BRF1: variants seen among roughly 807,000 people sequenced by gnomAD.
BRF1 encodes transcription factor IIIB 90 kDa subunit.
Under a neutral mutation model 81.7 loss-of-function variants are expected in BRF1, and 59 were observed. The observed-to-expected ratio is 0.72, with a 90% CI of 0.59 to 0.90. The LOEUF (loss-of-function observed/expected upper bound fraction) is 0.90, where lower values mean the gene tolerates loss of function less well. Among genes scored for constraint, BRF1 ranks in the 40% least tolerant of loss-of-function variants. The probability of loss-of-function intolerance (pLI) is 0.00; values close to 1 mark genes in which losing one functional copy is unlikely to be tolerated. For missense variants in BRF1, 1,050 were observed against 936.3 expected, an observed-to-expected ratio of 1.12 and a Z score of -1.58; for synonymous variants, 491 against 395.6, an observed-to-expected ratio of 1.24 and a Z score of -2.86.
In BRF1 at chr14:105,300,490, C is replaced by A; in HGVS notation, c.140G>T (p.Ser47Ile). 6.5e-7 allele frequency: 1 copy of A among 1,536,484 alleles called. No homozygotes were observed. Among genetic ancestry groups the A allele is most frequent in the Non-Finnish European group, 8.7e-7 (1 of 1,144,488 alleles). The change falls in exon 1 of 18, where the codon AGC becomes ATC. Residue 47 changes from serine to isoleucine, a missense_variant. By Grantham distance (142) the Ser-to-Ile change is moderately radical. Coordinates refer to ENST00000547530, the MANE Select transcript of BRF1 (RefSeq NM_001519.4). The stretch of plus-strand genomic sequence containing the variant: ...GCCCACGGCCGAGGAGCCGCCGCCG[C>A]TGCTCTCCACGAACTGCACCTCGGA... ...IVSEVQFVES[S>I]GGGSSAVGQF... is the part of the protein sequence containing the mutation.
intron 5 of BRF1, among the ~76,000 whole-genome samples, chr14:105,243,427 G>A (rs2054855384): frequency 6.6e-6 from 1 of 150,878 alleles, no homozygotes; most frequent in Non-Finnish European, 1.5e-5. Context: ...TCCAGCCTGG[G>A]CGACAGAGCA....
At chr14:105,219,411 T>C (rs1209068593) in intron 12 of BRF1, 179 bp from the exon 13 acceptor site, 1 of 1,370,294 alleles carries the variant, frequency 7.3e-7, no homozygotes, top group Non-Finnish European at 9.7e-7. Flanking sequence ...GGGGACCTGT[T>C]GCTCTGTGGC....
chr14:105,271,456 G>A lies in BRF1; in HGVS notation c.439+1265C>T, dbSNP rs587656067. ...CAGGCTGGGAGGCAGACATGTGGCC[G>A]GGCACGCCACGCCCACCAGACACAG... On this transcript the variant is annotated intron_variant, in intron 3 of 17. Transcript: ENST00000547530. The surrounding 1 kb of genome is among the most constrained non-coding windows in gnomAD (Gnocchi z 5.5). Among the ~76,000 whole-genome samples the A allele has an allele frequency of 3.9e-5, 6 of 152,350 alleles. No individual in the cohort carries two copies. The South Asian group carries it at 8.3e-4, about 21-fold the overall frequency.
chr14:105,295,256 C>T (rs1362179878), intron 1 of BRF1, among the ~76,000 whole-genome samples: 1 of 129,450 alleles, frequency 7.7e-6, no homozygotes, highest in African/African-American at 3.1e-5. Flanking sequence ...GCCTTGAGGT[C>T]AGAAGTTCGA....
chr14:105,266,886 G>T (rs988861309), intron 3 of BRF1, among the ~76,000 whole-genome samples: 2 of 151,940 alleles, frequency 1.3e-5, no homozygotes, highest in African/African-American at 4.8e-5. Flanking sequence ...GCCACAAAAA[G>T]TACAAAAATT....
chr14:105,218,474 C>T (rs866528155), intron 14 of BRF1, among the ~76,000 whole-genome samples: 6 of 152,330 alleles, frequency 3.9e-5, no homozygotes, highest in African/African-American at 1.2e-4. Context: ...CCTCCAGCTT[C>T]GTCTGAGGGA....
At chr14:105,252,308 C>T (rs1053292685) in intron 5 of BRF1, 199 bp downstream of exon 5, 1 of 944,318 alleles carries the variant, frequency 1.1e-6, no homozygotes, top group African/African-American at 1.8e-5. Flanking sequence ...CCACTGCACT[C>T]CAGCCTGGAC....
At position 105,286,378 on chromosome 14, in the gene BRF1, T is replaced by C. The variant is rs1169071667; in HGVS notation, c.185-2A>G. ...CCAGAGTCGGGGTTTTGCCAGCACC[T>C]GGAAACACAAAAAAAGACAGATCAG... is the stretch of plus-strand genomic sequence containing the variant. On this transcript the variant is annotated splice_acceptor_variant, in intron 1 of 17. Coordinates refer to ENST00000547530, the MANE Select transcript of BRF1 (RefSeq NM_001519.4). LOFTEE classifies it high-confidence loss of function. 2 of 1,612,098 alleles carry C rather than the reference T, an allele frequency of 1.2e-6. No homozygotes were observed. The highest frequency in any genetic ancestry group is 8.5e-7 in the Non-Finnish European group (1 of 1,179,220).
At chr14:105,217,456 G>A in intron 15 of BRF1, 88 bp downstream of exon 15, 1 of 1,551,390 alleles carries the variant, frequency 6.4e-7, no homozygotes. Flanking sequence ...GCCCCGGCTG[G>A]CCCCCGGCAG....
intron 5 of BRF1, chr14:105,242,711 G>C (rs935826416): frequency 7.5e-6 from 1 of 132,582 alleles, no homozygotes; most frequent in Non-Finnish European, 1.5e-5. Context: ...CTCCAGCCTG[G>C]GCAACAAGAG....
intron 1 of BRF1, chr14:105,314,966 C>T: frequency 8.2e-7 from 1 of 1,220,060 alleles, no homozygotes; most frequent in South Asian, 1.7e-5. Context: ...CCGGCGCGCT[C>T]AACACGCCCG....
intron 1 of BRF1, among the ~76,000 whole-genome samples, chr14:105,286,929 C>T (rs986167171): frequency 1.3e-5 from 2 of 152,246 alleles, no homozygotes; most frequent in African/African-American, 4.8e-5. Context: ...CCCCTTGCCC[C>T]AGGCCAGCCC....
chr14:105,304,526 G>T (rs1051423513), upstream of BRF1, among the ~76,000 whole-genome samples: 7 of 151,828 alleles, frequency 4.6e-5, no homozygotes, highest in African/African-American at 1.5e-4. Flanking sequence ...ATATAAAAAA[G>T]GGTGAGGCTC....
chr14:105,241,496 G>A, intron 5 of BRF1, 82 bp from the exon 6 acceptor site: 1 of 1,560,200 alleles, frequency 6.4e-7, no homozygotes, highest in Non-Finnish European at 8.7e-7. Context: ...CAGGGGTGGG[G>A]CAACCTGCAC....
intron 2 of BRF1, among the ~76,000 whole-genome samples, chr14:105,275,617 G>A (rs902722494): frequency 5.6e-4 from 85 of 152,338 alleles, no homozygotes; most frequent in Non-Finnish European, 9.8e-4. Flanking sequence ...TGTAATAAAA[G>A]GTAAGAGAGA....
rs1241282913 is a variant in BRF1, at chr14:105,229,038, C to A, written c.695-125G>T. On this transcript the variant is annotated intron_variant, in intron 6 of 17. Transcript: ENST00000547530. ...ATGGCCTGAGAAGACGTGTCTGTGC[C>A]AGGCAGTGAGACCCTCACTTGGCAT... 5.9e-6 allele frequency: 5 copies of A among 852,952 alleles called. No individual in the cohort carries two copies. In the Admixed American group the frequency reaches 8.9e-5, roughly 15 times the overall value. 52.8% of individuals were successfully genotyped at this position (852,952 alleles called of 1,614,324 possible). A position where few individuals can be genotyped will look rare whatever the true frequency, so the allele number is the denominator to read the frequency against.
chr14:105,221,955 A>C (rs1892345887), intron 10 of BRF1, 41 bp from the exon 11 acceptor site: 1 of 1,519,996 alleles, frequency 6.6e-7, no homozygotes, highest in Non-Finnish European at 8.8e-7. Flanking sequence ...GCAGAGGGCC[A>C]GGGTGCCCGC....
intron 5 of BRF1, chr14:105,249,693 T>C (rs1394175471): frequency 6.2e-7 from 1 of 1,613,624 alleles, no homozygotes; most frequent in East Asian, 2.2e-5. Flanking sequence ...CTGGCCACTC[T>C]GTACGCTGCT....
intron 10 of BRF1, chr14:105,222,653 G>C (rs587725622): frequency 6.6e-6 from 1 of 151,852 alleles, no homozygotes; most frequent in South Asian, 2.1e-4. Flanking sequence ...TTTTGAGACG[G>C]AGTCTCGCTC....
Sources: allele counts gnomAD v4.1 joint callset (sites outside exome capture counted in the v4.1 genomes callset), GRCh38; gene constraint gnomAD v4.1.1; non-coding constraint Gnocchi (gnomAD v3.1); transcripts MANE v1.5; gene names NCBI Gene and HGNC (gene_info 2026-07-23, HGNC 2026-07-21).